MYH13: variants seen among roughly 807,000 people sequenced by gnomAD.
MYH13 encodes the protein myosin-13.
Under a neutral mutation model 232.1 loss-of-function variants are expected in MYH13, and 177 were observed. That is an observed-to-expected ratio of 0.76 (90% confidence interval 0.67 to 0.86). MYH13 has a LOEUF of 0.86. MYH13 is among the 40% of genes least tolerant of loss of function. MYH13 has a pLI of 0.00. For missense variants in MYH13, 2,246 were observed against 2,405.9 expected (o/e 0.93, Z 1.39); for synonymous variants, 884 against 923.5 (o/e 0.96, Z 0.78).
At chr17:10,308,950 G>A (rs1419420239) in intron 35 of MYH13, among the ~76,000 whole-genome samples, 1 of 152,206 alleles carries the variant, frequency 6.6e-6, no homozygotes, top group African/African-American at 2.4e-5. Flanking sequence ...ACTTCCAGGT[G>A]CCTTACGTAA....
At position 10,311,087 on chromosome 17, in the gene MYH13, T is replaced by C. The variant is rs750063598; in HGVS notation, c.4656+16A>G. The C allele has an allele frequency of 6.2e-6, 10 of 1,613,340 alleles. No individual in the cohort carries two copies. Among genetic ancestry groups the C allele is most frequent in the Non-Finnish European group, 7.6e-6 (9 of 1,179,692 alleles). On this transcript the variant is annotated intron_variant, in intron 33 of 40. Transcript: ENST00000252172. ...TGTCCTCCTGAATTTCTGAATGTCA[T>C]ATCCTAGACACTTACCTCCACTTCT...
chr17:10,312,163 A>C, intron 31 of MYH13, 87 bp from the exon 32 acceptor site: 1 of 1,459,694 alleles, frequency 6.9e-7, no homozygotes, highest in South Asian at 1.3e-5. Context: ...CAGTAACACC[A>C]ACGTTTTGCC....
At chr17:10,359,421 C>T (rs934317899) in intron 7 of MYH13, among the ~76,000 whole-genome samples, 7 of 152,290 alleles carry the variant, frequency 4.6e-5, no homozygotes, top group African/African-American at 1.7e-4. Flanking sequence ...AGACCCTGCC[C>T]CTCCCCCATA....
At chr17:10,351,657 G>C (rs767261025) in intron 11 of MYH13, among the ~76,000 whole-genome samples, 2 of 152,180 alleles carry the variant, frequency 1.3e-5, no homozygotes, top group Non-Finnish European at 2.9e-5. Context: ...CTGTCATACA[G>C]GGAGGGTGTG....
rs527381269 is a variant in MYH13, at chr17:10,338,752, A to G, written c.2056+1398T>C. Among the ~76,000 whole-genome samples the G allele has an allele frequency of 5.5e-5, 8 of 145,566 alleles. No homozygotes were observed. The East Asian group carries it at 1.2e-3, about 22-fold the overall frequency. ...GTTTCGCTCTGTCGCCCAGGCTGGA[A>G]TGCAGTGGCACGATCTCGGCTCACT... is the stretch of plus-strand genomic sequence containing the variant. On this transcript the variant is annotated intron_variant, in intron 18 of 40. Coordinates refer to ENST00000252172, the MANE Select transcript of MYH13 (RefSeq NM_003802.3).
chr17:10,310,980 A>T, intron 33 of MYH13, 123 bp downstream of exon 33: 1 of 1,254,144 alleles, frequency 8.0e-7, no homozygotes, highest in Non-Finnish European at 1.1e-6. Context: ...GGGATGGCTG[A>T]ATGTTACTCC....
At chr17:10,359,047 T>C (rs2071770841) in intron 7 of MYH13, among the ~76,000 whole-genome samples, 1 of 152,194 alleles carries the variant, frequency 6.6e-6, no homozygotes, top group African/African-American at 2.4e-5. Flanking sequence ...GTAATAGGAA[T>C]GGTATATTTT....
rs147554080 is a variant in MYH13, at chr17:10,336,565, G to A, written c.2057-3374C>T. On this transcript the variant is annotated intron_variant, in intron 18 of 40. Coordinates refer to ENST00000252172, the MANE Select transcript of MYH13 (RefSeq NM_003802.3). ...TGGCAAAAAAGCCTCCTGCAAGCAC[G>A]TCTTTCACATGCAAACCAGCCATCC... Among the ~76,000 whole-genome samples, 562 of 152,160 alleles carry A rather than the reference G, an allele frequency of 3.7e-3. 4 individuals are homozygous for A. The highest frequency in any genetic ancestry group is 0.01 in the Middle Eastern group (3 of 294).
intron 5 of MYH13, 40 bp from the exon 6 acceptor site, chr17:10,360,228 A>G (rs755407142): frequency 6.2e-7 from 1 of 1,600,056 alleles, no homozygotes; most frequent in Admixed American, 1.7e-5. Flanking sequence ...CAAATAAACA[A>G]CAAACAGAAT....
chr17:10,343,850 G>A lies in MYH13; in HGVS notation c.1844C>T (p.Ser615Leu), dbSNP rs745858156. 5.0e-5 allele frequency: 80 copies of A among 1,611,020 alleles called. No homozygotes were observed. Among genetic ancestry groups the A allele is most frequent in the Non-Finnish European group, 6.5e-5 (77 of 1,178,136 alleles). ...AAAAAGGAAGGAGAGAAGCTTCAGCGAAGACTTCTGGTACAGCCCCACCAC... is the reference window on the plus strand; with the variant it reads ...AAAAAGGAAGGAGAGAAGCTTCAGCAAAGACTTCTGGTACAGCCCCACCAC... Reference protein sequence around the residue: ...ETVVGLYQKSSLKLLSFLFSN... With the variant: ...ETVVGLYQKSLLKLLSFLFSN... The change falls in exon 16 of 41, where the codon TCG becomes TTG. Residue 615 changes from serine to leucine, a missense_variant. Ser to Leu is a moderately radical substitution (Grantham distance 145). Transcript: ENST00000252172.
intron 22 of MYH13, 132 bp from the exon 23 acceptor site, chr17:10,324,396 A>ATGTG: frequency 5.9e-6 from 6 of 1,014,914 alleles, no homozygotes; most frequent in Non-Finnish European, 8.7e-6. Context: ...ATGCACGCAC[A>ATGTG]TGTGCACACA....
chr17:10,320,667 C>T (rs1906908552), intron 24 of MYH13, among the ~76,000 whole-genome samples, 171 bp from the exon 25 acceptor site: 1 of 152,268 alleles, frequency 6.6e-6, no homozygotes, highest in Non-Finnish European at 1.5e-5. Context: ...CCCCTCTCTT[C>T]TGTCTTCCAG....
At chr17:10,322,778 CGT>C (rs1567660875) in intron 23 of MYH13, among the ~76,000 whole-genome samples, 5 of 151,882 alleles carry the variant, frequency 3.3e-5, no homozygotes, top group African/African-American at 4.8e-5. Context: ...GGACTACAGG[CGT>C]CCGCCACCAC....
At chr17:10,353,931 A>AGAAG (rs10587803) in intron 11 of MYH13, among the ~76,000 whole-genome samples, 15,980 of 146,062 alleles carry the variant, frequency 0.11, 1,000 homozygotes, top group African/African-American at 0.14. Context: ...AAGGAAGGAA[A>AGAAG]GAAGGAAGGA....
intron 22 of MYH13, among the ~76,000 whole-genome samples, chr17:10,326,842 G>T (rs1907214430): frequency 7.0e-6 from 1 of 142,620 alleles, no homozygotes; most frequent in Admixed American, 7.0e-5. Context: ...TGAGATCGGG[G>T]TCTCACTGTG....
chr17:10,307,207 C>G (rs1222817004), intron 35 of MYH13, 143 bp from the exon 36 acceptor site: 2 of 999,036 alleles, frequency 2.0e-6, no homozygotes, highest in Admixed American at 3.1e-5. Context: ...GGGTACAGTA[C>G]TGTACATTCT....
chr17:10,323,042 C>G (rs1264215137), intron 23 of MYH13, among the ~76,000 whole-genome samples: 1 of 152,170 alleles, frequency 6.6e-6, no homozygotes, highest in African/African-American at 2.4e-5. Context: ...GCTGTGTTAT[C>G]TACTACATTT....
intron 11 of MYH13, among the ~76,000 whole-genome samples, chr17:10,352,446 C>T (rs187361971): frequency 2.7e-3 from 407 of 152,068 alleles, no homozygotes; most frequent in African/African-American, 9.3e-3. Flanking sequence ...AAAAATTAGC[C>T]GAGCGTGGTG....
At position 10,318,874 on chromosome 17, in the gene MYH13, C is replaced by T. The variant is rs777076932; in HGVS notation, c.3654G>A (p.Lys1218=). 10 of 1,614,052 alleles carry T rather than the reference C, an allele frequency of 6.2e-6. No individual in the cohort carries two copies. Among genetic ancestry groups the T allele is most frequent in the Non-Finnish European group, 8.5e-6 (10 of 1,180,038 alleles). Reference sequence around the variant, plus strand: ...CGCTCTTCTCCTTCTCCAGCTTCTGCTTCACCCGCTGCAGGTTGTCAATCT... The same window carrying T: ...CGCTCTTCTCCTTCTCCAGCTTCTGTTTCACCCGCTGCAGGTTGTCAATCT... ...GEQIDNLQRV[K]QKLEKEKSEL... The change falls in exon 27 of 41, where the codon AAG becomes AAA. Residue 1218 remains lysine, a synonymous_variant. Coordinates refer to ENST00000252172, the MANE Select transcript of MYH13 (RefSeq NM_003802.3).
Sources: gnomAD v4.1 joint callset for allele counts (sites outside exome capture counted in the v4.1 genomes callset) on GRCh38, gnomAD v4.1.1 for gene constraint, MANE v1.5 for transcripts, NCBI Gene and HGNC (gene_info 2026-07-23, HGNC 2026-07-21) for gene names.